The following PATJ variants were observed in gnomAD, a reference collection of about 807,000 sequenced individuals.
PATJ encodes PATJ crumbs cell polarity complex component.
A neutral mutation model predicts 224.9 loss-of-function variants in PATJ; 190 were observed. The observed-to-expected ratio is 0.84, with a 90% CI of 0.75 to 0.95. The LOEUF is 0.95. PATJ is among the 40% of genes least tolerant of loss of function. The pLI, the probability that PATJ is intolerant of heterozygous loss-of-function variation, is 0.00. For synonymous variants in PATJ, 769 were observed against 820.3 expected, an observed-to-expected ratio of 0.94 and a Z score of 1.07; for missense variants, 2,121 against 2,270.3, an observed-to-expected ratio of 0.93 and a Z score of 1.34.
Position 61,769,250 on chromosome 1 carries a change from C to CA in PATJ, c.385-32dup, listed in dbSNP as rs1557609648. 3 of 1,591,910 alleles carry CA rather than the reference C, an allele frequency of 1.9e-6. No homozygotes were observed. In the South Asian group the frequency reaches 3.4e-5, roughly 18 times the overall value. Reference sequence around the variant, plus strand: ...CAGAGTATGTTGGCTAAATGTACACCATTGACTTTTTTTTTTAACGCTCCT... The same window carrying CA: ...CAGAGTATGTTGGCTAAATGTACACCAATTGACTTTTTTTTTTAACGCTCCT... On this transcript the variant is annotated intron_variant, in intron 4 of 43. Coordinates refer to ENST00000642238, the MANE Select transcript of PATJ (RefSeq NM_001350145.3).
rs1301520217 is a variant in PATJ, at chr1:61,814,955, C to T, written c.1683+6425C>T. Reference sequence around the variant, plus strand: ...TCTGTGCCAGACACTGTGCTACCATCTGTGGGAAGCAAAATGGAAAGGGTC... The same window carrying T: ...TCTGTGCCAGACACTGTGCTACCATTTGTGGGAAGCAAAATGGAAAGGGTC... On this transcript the variant is annotated intron_variant, in intron 14 of 43. Coordinates refer to ENST00000642238, the MANE Select transcript of PATJ (RefSeq NM_001350145.3). Among the ~76,000 whole-genome samples, 4 of 152,172 alleles carry T rather than the reference C, an allele frequency of 2.6e-5. No individual in the cohort carries two copies. In the East Asian group the frequency reaches 7.7e-4, roughly 29 times the overall value.
intron 26 of PATJ, among the ~76,000 whole-genome samples, chr1:61,919,460 C>T (rs1226134432): frequency 6.6e-6 from 1 of 150,552 alleles, no homozygotes; most frequent in African/African-American, 2.4e-5. Flanking sequence ...CGCACCACCA[C>T]GCCCAGCTAG....
At chr1:62,051,788 C>G (rs1397987347) in intron 31 of PATJ, among the ~76,000 whole-genome samples, 2 of 152,136 alleles carry the variant, frequency 1.3e-5, no homozygotes, top group East Asian at 1.9e-4. Flanking sequence ...AGAAGAGAGG[C>G]AGTTTTAGAG....
chr1:61,795,606 G>T (rs752154039), intron 10 of PATJ, 48 bp downstream of exon 10: 2 of 1,142,640 alleles, frequency 1.8e-6, no homozygotes, highest in Non-Finnish European at 2.6e-6. Flanking sequence ...TGAAAAAAAG[G>T]TTGATCATTA....
intron 1 of PATJ, among the ~76,000 whole-genome samples, chr1:61,761,368 CCCCTT>C (rs1645962703): frequency 6.6e-6 from 1 of 152,126 alleles, no homozygotes; most frequent in Admixed American, 6.6e-5. Flanking sequence ...CTTCCTTGAA[CCCCTT>C]CCCAGTGTAG....
chr1:61,801,578 G>A (rs925902036), intron 11 of PATJ, 45 bp from the exon 12 acceptor site: 9 of 1,230,292 alleles, frequency 7.3e-6, no homozygotes, highest in Non-Finnish European at 9.9e-6. Context: ...AATAATTCAA[G>A]TTAGCATTAA....
chr1:62,041,666 A>G (rs1360672891), intron 30 of PATJ, among the ~76,000 whole-genome samples: 1 of 152,264 alleles, frequency 6.6e-6, no homozygotes, highest in Non-Finnish European at 1.5e-5. Context: ...CTGAAAATTT[A>G]GAAGACTGAT....
intron 26 of PATJ, among the ~76,000 whole-genome samples, chr1:61,917,723 A>G (rs1557873801): frequency 6.6e-6 from 1 of 152,122 alleles, no homozygotes; most frequent in Non-Finnish European, 1.5e-5. Context: ...CGGTAGGAGC[A>G]TGTGTTCTTT....
At chr1:62,060,945 G>A (rs1184121419) in intron 31 of PATJ, among the ~76,000 whole-genome samples, 1 of 152,098 alleles carries the variant, frequency 6.6e-6, no homozygotes, top group Non-Finnish European at 1.5e-5. Context: ...ACCCACCTTG[G>A]CCTCCCAAAG....
intron 21 of PATJ, among the ~76,000 whole-genome samples, chr1:61,882,341 G>C (rs1668220246): frequency 6.6e-6 from 1 of 152,136 alleles, no homozygotes; most frequent in Non-Finnish European, 1.5e-5. Flanking sequence ...GAGAGAATAA[G>C]AAATGCAAAG....
intron 23 of PATJ, 28 bp from the exon 24 acceptor site, chr1:61,901,254 G>C: frequency 7.0e-7 from 1 of 1,438,782 alleles, no homozygotes; most frequent in Non-Finnish European, 9.2e-7. Flanking sequence ...TTGTTGATGA[G>C]TGAGTTTTGT....
chr1:61,854,077 A>G (rs1476648502), intron 17 of PATJ, among the ~76,000 whole-genome samples: 2 of 152,214 alleles, frequency 1.3e-5, no homozygotes, highest in African/African-American at 4.8e-5. Flanking sequence ...ATGAACCCTG[A>G]TGTTTGAAAC....
intron 26 of PATJ, among the ~76,000 whole-genome samples, chr1:61,918,388 A>G (rs1673773724): frequency 6.7e-6 from 1 of 148,850 alleles, no homozygotes; most frequent in South Asian, 2.1e-4. Flanking sequence ...GCTCACTGCA[A>G]CCTCCGCCTC....
intron 9 of PATJ, among the ~76,000 whole-genome samples, chr1:61,794,181 C>T (rs539624001): frequency 1.3e-5 from 2 of 151,344 alleles, no homozygotes; most frequent in African/African-American, 2.4e-5. Flanking sequence ...GGATTACAGG[C>T]GTGAGCCACT....
At chr1:61,838,421 C>G (rs2148819561) in intron 17 of PATJ, among the ~76,000 whole-genome samples, 1 of 151,276 alleles carries the variant, frequency 6.6e-6, no homozygotes, top group Non-Finnish European at 1.5e-5. Flanking sequence ...GTGGCGCGAT[C>G]TCAGCTCACT....
intron 7 of PATJ, among the ~76,000 whole-genome samples, chr1:61,777,703 C>CTTTCTTTTTTTTTTTTTTTTTTTTT (rs1415203243): frequency 2.1e-5 from 1 of 48,744 alleles, no homozygotes; most frequent in African/African-American, 1.1e-4. Context: ...TTCTTTCTTT[C>CTTTCTTTTTTTTTTTTTTTTTTTTT]TTTTTTTTTT....
At chr1:61,934,822 T>G (rs201802812) in intron 27 of PATJ, among the ~76,000 whole-genome samples, 5 of 152,166 alleles carry the variant, frequency 3.3e-5, no homozygotes, top group Non-Finnish European at 7.4e-5. Flanking sequence ...CCTCGGATAG[T>G]CAACAGTGGG....
At chr1:61,888,798 T>A (rs979878797) in intron 22 of PATJ, among the ~76,000 whole-genome samples, 1 of 152,232 alleles carries the variant, frequency 6.6e-6, no homozygotes, top group Non-Finnish European at 1.5e-5. Flanking sequence ...AGGGAAGATA[T>A]ACTTTGTTCT....
intron 31 of PATJ, among the ~76,000 whole-genome samples, chr1:62,064,431 C>T (rs562955918): frequency 1.3e-5 from 2 of 151,722 alleles, no homozygotes; most frequent in South Asian, 2.1e-4. Context: ...CAGGTTCAAG[C>T]GATTCTCTTG....
Sources: allele counts gnomAD v4.1 joint callset (sites outside exome capture counted in the v4.1 genomes callset), GRCh38; gene constraint gnomAD v4.1.1; transcripts MANE v1.5; gene names NCBI Gene and HGNC (gene_info 2026-07-23, HGNC 2026-07-21).